HNRNPUL2: variants seen among roughly 807,000 people sequenced by gnomAD.
The protein encoded by HNRNPUL2 is heterogeneous nuclear ribonucleoprotein U like 2.
A neutral mutation model predicts 102.2 loss-of-function variants in HNRNPUL2; 27 were observed. The observed-to-expected ratio is 0.26, with a 90% CI of 0.19 to 0.36. The LOEUF (loss-of-function observed/expected upper bound fraction) is 0.36. Ranked by LOEUF, HNRNPUL2 falls within the 10% of genes least tolerant of loss-of-function variation. The pLI is 1.00. For synonymous variants in HNRNPUL2, 458 were observed against 387.2 expected (o/e 1.18, Z -2.15); for missense variants, 936 against 981.1 (o/e 0.95, Z 0.61).
In HNRNPUL2 at chr11:62,721,967, T is replaced by C. The variant is rs1357922792; in HGVS notation, c.1360-25A>G. 6.2e-6 allele frequency: 10 copies of C among 1,611,862 alleles called. No homozygotes were observed. The East Asian group carries it at 1.8e-4, about 29-fold the overall frequency. On this transcript the variant is annotated intron_variant, in intron 7 of 13. Coordinates refer to ENST00000301785, the MANE Select transcript of HNRNPUL2 (RefSeq NM_001079559.3). The stretch of plus-strand genomic sequence containing the variant: ...CCTGCAAAAAACAGAACCAGAAATA[T>C]AATGAAAAATAAATGAGGGTCATGT...
In HNRNPUL2 at chr11:62,726,629, G is replaced by C. The variant is rs1456212701; in HGVS notation, c.528C>G (p.Ala176=). The C allele has an allele frequency of 7.6e-6, 12 of 1,587,520 alleles. No homozygotes were observed. Among genetic ancestry groups the C allele is most frequent in the African/African-American group, 1.3e-5 (1 of 74,154 alleles). ...PGSEVPGDKA[A]EEQGDDQDSE... ...CTGCCAGCTCCTCACCCTGTTCCTC[G>C]GCGGCCTTGTCACCCGGCACCTCGG... The change falls in exon 1 of 14, where the codon GCC becomes GCG. Residue 176 remains alanine (A), a synonymous_variant. Transcript: ENST00000301785.
At chr11:62,718,828 CTT>C (rs1217417694) in intron 10 of HNRNPUL2, among the ~76,000 whole-genome samples, 6 of 145,550 alleles carry the variant, frequency 4.1e-5, no homozygotes, top group African/African-American at 7.5e-5. Flanking sequence ...CCTACGGTCA[CTT>C]TTTTTTTTTT....
chr11:62,724,608 AATT>A (rs1039049036), intron 1 of HNRNPUL2, among the ~76,000 whole-genome samples, 182 bp from the exon 2 acceptor site: 23 of 152,130 alleles, frequency 1.5e-4, no homozygotes. Flanking sequence ...GCTGTGATTT[AATT>A]TTTTTAAAAA....
At position 62,722,201 on chromosome 11, in the gene HNRNPUL2, T is replaced by C. The variant is rs1380953993; in HGVS notation, c.1275A>G (p.Pro425=). 4.3e-6 allele frequency: 7 copies of C among 1,614,188 alleles called. No homozygotes were observed. The highest frequency in any genetic ancestry group is 5.1e-6 in the Non-Finnish European group (6 of 1,180,026). Residue 425 remains proline, a synonymous_variant, in exon 7 of 14, where the codon CCA becomes CCG. Coordinates refer to ENST00000301785, the MANE Select transcript of HNRNPUL2 (RefSeq NM_001079559.3). ...GQKEEPFFPP[P]EEFVFIHAVP... The stretch of plus-strand genomic sequence containing the variant: ...CAGCATGAATGAACACAAACTCTTC[T>C]GGTGGTGGGAAGAAGGGCTCCTCCT...
rs754902804 is a variant in HNRNPUL2 at position 62,724,397 on chromosome 11, G to C, written c.568C>G (p.Pro190Ala). Residue 190 changes from proline (P) to alanine (A), a missense_variant, in exon 2 of 14, where the codon CCA becomes GCA. Pro to Ala is a conservative substitution (Grantham distance 27, BLOSUM62 -1). This residue lies in a region of HNRNPUL2 where 609 missense variants were observed against 713.0 expected (regional missense o/e 0.85). Coordinates refer to ENST00000301785, the MANE Select transcript of HNRNPUL2 (RefSeq NM_001079559.3). ...CGCCGCTCACCATCTGAGCCTGCTG[G>C]TTTTGACTTTTCACTATCCTGGTCA... ...GDDQDSEKSK[P>A]AGSDGERRGV... 4 of 1,614,148 alleles carry C rather than the reference G, an allele frequency of 2.5e-6. No individual in the cohort carries two copies. The highest frequency in any genetic ancestry group is 3.4e-6 in the Non-Finnish European group (4 of 1,180,026).
intron 10 of HNRNPUL2, 52 bp downstream of exon 10, chr11:62,719,971 T>A: frequency 6.6e-7 from 1 of 1,518,810 alleles, no homozygotes; most frequent in Non-Finnish European, 9.1e-7. Context: ...TTACAAATTA[T>A]GAAGTCTATG....
intron 1 of HNRNPUL2, among the ~76,000 whole-genome samples, 156 bp downstream of exon 1, chr11:62,726,463 C>T (rs375713830): frequency 6.6e-6 from 1 of 152,238 alleles, no homozygotes; most frequent in Non-Finnish European, 1.5e-5. Flanking sequence ...GGCGGCCTAA[C>T]CCCTCAGAAA....
rs777454539 is a variant in HNRNPUL2, at chr11:62,721,475, G to C, written c.1483-52C>G. 3.4e-6 allele frequency: 5 copies of C among 1,489,646 alleles called. No homozygotes were observed. In the South Asian group the frequency reaches 6.2e-5, roughly 19 times the overall value. 92.3% of individuals were successfully genotyped at this position (1,489,646 alleles called of 1,614,324 possible). On this transcript the variant is annotated intron_variant, in intron 8 of 13. Coordinates refer to ENST00000301785, the MANE Select transcript of HNRNPUL2 (RefSeq NM_001079559.3). The stretch of plus-strand genomic sequence containing the variant: ...AAAAAAACAAAACACAAGTTATATT[G>C]CAAGTTAAAGCCCAAGAGTTATTGG...
At chr11:62,720,313 A>T (rs2083691019) in intron 9 of HNRNPUL2, 122 bp from the exon 10 acceptor site, 11 of 831,670 alleles carry the variant, frequency 1.3e-5, no homozygotes, top group Admixed American at 2.2e-5. Flanking sequence ...TGGGAGGCCG[A>T]GGTGGGCAGA....
At chr11:62,726,346 G>A (rs1490963577) in intron 1 of HNRNPUL2, among the ~76,000 whole-genome samples, 1 of 152,184 alleles carries the variant, frequency 6.6e-6, no homozygotes, top group Non-Finnish European at 1.5e-5. Flanking sequence ...CTGTTCCACA[G>A]GTAGCTCACA....
chr11:62,715,152 G>GC lies in HNRNPUL2; in HGVS notation c.*146dup, dbSNP rs1455888559. 1 of 26,540 alleles carries GC rather than the reference G, an allele frequency of 3.8e-5. No homozygotes were observed. The highest frequency in any genetic ancestry group is 8.6e-5 in the Non-Finnish European group (1 of 11,668). The allele number at this position is 26,540 out of a possible 1,614,324, so 1.6% of individuals were successfully genotyped here. On this transcript the variant is annotated 3_prime_UTR_variant, in exon 14 of 14. Coordinates refer to ENST00000301785, the MANE Select transcript of HNRNPUL2 (RefSeq NM_001079559.3). ...TCCACCTCCCCCCTCCCCCACCCCT[G>GC]CTTGAGCACCCTCCCCCCCCACCAC...
At chr11:62,716,927 C>T in intron 11 of HNRNPUL2, 62 bp downstream of exon 11, 10 of 1,577,802 alleles carry the variant, frequency 6.3e-6, no homozygotes, top group South Asian at 4.4e-5. Context: ...CCTTGCACAT[C>T]TTGCTGTACT....
intron 3 of HNRNPUL2, 70 bp downstream of exon 3, chr11:62,723,844 G>T: frequency 6.3e-7 from 1 of 1,598,560 alleles, no homozygotes; most frequent in South Asian, 1.1e-5. Context: ...TATAGGCTAT[G>T]AAGTTTTAAT....
At chr11:62,725,209 T>TA (rs1177483477) in intron 1 of HNRNPUL2, among the ~76,000 whole-genome samples, 24 of 152,178 alleles carry the variant, frequency 1.6e-4, no homozygotes, top group Non-Finnish European at 2.6e-4. Flanking sequence ...TCAATATATA[T>TA]TTTTTTGAGA....
chr11:62,717,317 G>C (rs937323095), intron 10 of HNRNPUL2, 128 bp from the exon 11 acceptor site: 1 of 675,056 alleles, frequency 1.5e-6, no homozygotes, highest in East Asian at 2.7e-5. Context: ...AATGTGCTAC[G>C]TTTATACCCA....
Position 62,713,775 on chromosome 11 carries a change from A to C in HNRNPUL2, c.*1524T>G, listed in dbSNP as rs1240939419. 1 of 152,262 alleles carries C rather than the reference A, an allele frequency of 6.6e-6. No individual in the cohort carries two copies. The highest frequency in any genetic ancestry group is 2.4e-5 in the African/African-American group (1 of 41,460). 9.4% of individuals were successfully genotyped at this position (152,262 alleles called of 1,614,324 possible). ...TTCTAGTGGCACAGATTTTCTCACT[A>C]GGAACTGCTGCAGTATGTGGTGTCT... On this transcript the variant is annotated 3_prime_UTR_variant, in exon 14 of 14. Coordinates refer to ENST00000301785, the MANE Select transcript of HNRNPUL2 (RefSeq NM_001079559.3).
intron 10 of HNRNPUL2, 58 bp downstream of exon 10, chr11:62,719,965 A>G (rs1483880873): frequency 6.6e-6 from 10 of 1,507,822 alleles, no homozygotes; most frequent in Non-Finnish European, 9.2e-6. Flanking sequence ...TATTACTTAC[A>G]AATTATGAAG....
In HNRNPUL2 at chr11:62,726,696, T is replaced by C; in HGVS notation, c.461A>G (p.Glu154Gly). The C allele has an allele frequency of 6.2e-7, 1 of 1,600,160 alleles. No individual in the cohort carries two copies. The highest frequency in any genetic ancestry group is 8.5e-7 in the Non-Finnish European group (1 of 1,179,382). ...CCCGCTCCGCTCCTCGGGTTCGTCT[T>C]CCTCCCTCTTGCCGAGGCCCTGCTC... Reference protein sequence around the residue: ...GEEQGLGKREEDEPEERSGDE... With the variant: ...GEEQGLGKREGDEPEERSGDE... The change falls in exon 1 of 14, where the codon GAA becomes GGA. Residue 154 changes from glutamate (E) to glycine (G), a missense_variant. Physicochemically the swap from Glu to Gly is moderately conservative, Grantham distance 98. Coordinates refer to ENST00000301785, the MANE Select transcript of HNRNPUL2 (RefSeq NM_001079559.3).
At chr11:62,722,552 G>T in intron 6 of HNRNPUL2, 49 bp downstream of exon 6, 2 of 1,484,620 alleles carry the variant, frequency 1.3e-6, no homozygotes, top group Non-Finnish European at 1.9e-6. Context: ...AATTCCCAGT[G>T]CCCTCTATCC....
Sources: gnomAD v4.1 joint callset for allele counts (sites outside exome capture counted in the v4.1 genomes callset) on GRCh38, gnomAD v4.1.1 for gene constraint, gnomAD v4.1.1 regional missense constraint, MANE v1.5 for transcripts, NCBI Gene and HGNC (gene_info 2026-07-23, HGNC 2026-07-21) for gene names.